Variants in WWOX observed in about 807,000 individuals in gnomAD.
The protein encoded by WWOX is WW domain-containing oxidoreductase.
WWOX carries 69 observed loss-of-function variants against 46.2 expected under a neutral mutation model. The observed-to-expected ratio is 1.49, with a 90% CI of 1.23 to 1.82. The LOEUF is 1.82. WWOX is among the 40% of genes most tolerant of loss of function. WWOX has a pLI of 0.00. For synonymous variants in WWOX, 359 were observed against 202.6 expected, an observed-to-expected ratio of 1.77 and a Z score of -6.56; for missense variants, 919 against 542.6, an observed-to-expected ratio of 1.69 and a Z score of -6.89.
At chr16:78,671,778 C>A (rs2047470896) in intron 8 of WWOX, among the ~76,000 whole-genome samples, 1 of 152,112 alleles carries the variant, frequency 6.6e-6, no homozygotes, top group African/African-American at 2.4e-5. Flanking sequence ...TAAGAAAGCA[C>A]CATCAGTATT....
At chr16:78,499,558 G>A (rs2085006284) in intron 8 of WWOX, among the ~76,000 whole-genome samples, 1 of 152,234 alleles carries the variant, frequency 6.6e-6, no homozygotes, top group Admixed American at 6.5e-5. Flanking sequence ...ACAATGCCGG[G>A]CGGTGGACGG....
At chr16:78,765,217 A>T (rs1271592465) in intron 8 of WWOX, among the ~76,000 whole-genome samples, 1 of 152,224 alleles carries the variant, frequency 6.6e-6, no homozygotes, top group African/African-American at 2.4e-5. Flanking sequence ...CTGGCAGAGG[A>T]TCCAGCACGA....
At chr16:78,778,196 A>G (rs2050239245) in intron 8 of WWOX, among the ~76,000 whole-genome samples, 1 of 152,054 alleles carries the variant, frequency 6.6e-6, no homozygotes, top group Admixed American at 6.6e-5. Context: ...GGTGTGCCTG[A>G]TTTCCTAGCC....
chr16:78,616,574 A>C (rs2046030576), intron 8 of WWOX, among the ~76,000 whole-genome samples: 1 of 151,924 alleles, frequency 6.6e-6, no homozygotes, highest in Non-Finnish European at 1.5e-5. Flanking sequence ...GGTCGAGACC[A>C]GCCTGGCTGA....
intron 8 of WWOX, among the ~76,000 whole-genome samples, chr16:78,887,816 A>G (rs772315435): frequency 6.6e-6 from 1 of 152,134 alleles, no homozygotes; most frequent in Non-Finnish European, 1.5e-5. Context: ...TTGCTGAGTG[A>G]GCTTAGGACT....
At chr16:78,387,810 T>C (rs2082092106) in intron 6 of WWOX, among the ~76,000 whole-genome samples, 1 of 152,136 alleles carries the variant, frequency 6.6e-6, no homozygotes. Flanking sequence ...GATTCAAACA[T>C]GAGGATTAAG....
rs75144283 is a variant in WWOX, at chr16:78,875,065, A to G, written c.1057-336543A>G. Among the ~76,000 whole-genome samples, 37 of 152,016 alleles carry G rather than the reference A, an allele frequency of 2.4e-4. No individual in the cohort carries two copies. The East Asian group carries it at 7.0e-3, about 29-fold the overall frequency. Reference sequence around the variant, plus strand: ...TTACTATTTCATTTGCAGCAGGACAACTCAACAAGCTAGCTCTTCCTGCCC... The same window carrying G: ...TTACTATTTCATTTGCAGCAGGACAGCTCAACAAGCTAGCTCTTCCTGCCC... On this transcript the variant is annotated intron_variant, in intron 8 of 8. Transcript: ENST00000566780.
chr16:78,591,641 C>A (rs567172075), intron 8 of WWOX, among the ~76,000 whole-genome samples: 1 of 152,318 alleles, frequency 6.6e-6, no homozygotes, highest in Middle Eastern at 3.4e-3. Flanking sequence ...TGAGTCTCAG[C>A]TGACCAAGCT....
chr16:79,073,397 C>G (rs2048589068), intron 8 of WWOX, among the ~76,000 whole-genome samples: 2 of 152,128 alleles, frequency 1.3e-5, no homozygotes, highest in East Asian at 1.9e-4. Flanking sequence ...CCAGGCTGGT[C>G]TCAAACTCCT....
chr16:79,170,764 C>A (rs1276080446), intron 8 of WWOX, among the ~76,000 whole-genome samples: 1 of 151,810 alleles, frequency 6.6e-6, no homozygotes, highest in African/African-American at 2.4e-5. Flanking sequence ...TTAGAAGTTA[C>A]ATTTACAAGG....
At chr16:78,136,797 A>G (rs1192022641) in intron 4 of WWOX, among the ~76,000 whole-genome samples, 1 of 152,204 alleles carries the variant, frequency 6.6e-6, no homozygotes, top group East Asian at 1.9e-4. Flanking sequence ...TGAGTCATTC[A>G]TGAAGCTGAT....
intron 5 of WWOX, among the ~76,000 whole-genome samples, chr16:78,228,850 G>A (rs559835092): frequency 1.3e-5 from 2 of 152,300 alleles, no homozygotes; most frequent in East Asian, 1.9e-4. Context: ...ACCTGGGTGA[G>A]GCTCTCGTGG....
intron 8 of WWOX, chr16:79,110,786 C>G (rs544353583): frequency 6.6e-5 from 10 of 152,274 alleles, no homozygotes; most frequent in African/African-American, 2.4e-4. Flanking sequence ...CTGCCAGTAC[C>G]CAGTTTGAAT....
Position 78,422,834 on chromosome 16 carries a change from TATATACATATACACACAC to T in WWOX, c.606-2034_606-2017del, listed in dbSNP as rs2082977914. 4.6e-5 allele frequency among the ~76,000 whole-genome samples: 5 copies of T among 109,826 alleles called. No individual in the cohort carries two copies. In the East Asian group the frequency reaches 8.0e-4, roughly 18 times the overall value. The allele number at this position is 109,826 out of a possible 152,430, so 72.1% of individuals were successfully genotyped here. Reference sequence around the variant, plus strand: ...ACATATATATACACACACATATATATATATACATATACACACACACACACACACACACACACACACACA... The same window carrying T: ...ACATATATATACACACACATATATATACACACACACACACACACACACACA... On this transcript the variant is annotated intron_variant, in intron 6 of 8. Coordinates refer to ENST00000566780, the MANE Select transcript of WWOX (RefSeq NM_016373.4).
At chr16:79,174,672 G>A (rs1215122035) in intron 8 of WWOX, among the ~76,000 whole-genome samples, 4 of 152,138 alleles carry the variant, frequency 2.6e-5, no homozygotes, top group Admixed American at 2.0e-4. Flanking sequence ...AAGAGGGACT[G>A]ATGTCCAGTG....
At chr16:78,482,032 C>G (rs2084505544) in intron 8 of WWOX, among the ~76,000 whole-genome samples, 1 of 152,040 alleles carries the variant, frequency 6.6e-6, no homozygotes, top group African/African-American at 2.4e-5. Context: ...CTTAAGAAAT[C>G]TGTTTCTAAA....
intron 8 of WWOX, among the ~76,000 whole-genome samples, chr16:78,444,418 A>G (rs1296586932): frequency 6.6e-6 from 1 of 152,152 alleles, no homozygotes; most frequent in Non-Finnish European, 1.5e-5. Context: ...GCCCACAGAC[A>G]TTGTATTTCA....
intron 8 of WWOX, among the ~76,000 whole-genome samples, chr16:78,791,639 A>AT (rs953580717): frequency 2.6e-5 from 4 of 152,108 alleles, no homozygotes; most frequent in Non-Finnish European, 5.9e-5. Context: ...GCACTTTGGG[A>AT]TAATGAGATG....
chr16:78,730,567 C>G (rs1487626520), intron 8 of WWOX, among the ~76,000 whole-genome samples: 4 of 151,660 alleles, frequency 2.6e-5, no homozygotes, highest in African/African-American at 7.3e-5. Context: ...TCCACCCAAC[C>G]TAGCCTCCTA....
Sources: gnomAD v4.1 joint callset for allele counts (sites outside exome capture counted in the v4.1 genomes callset) on GRCh38, gnomAD v4.1.1 for gene constraint, MANE v1.5 for transcripts, NCBI Gene and HGNC (gene_info 2026-07-23, HGNC 2026-07-21) for gene names.